SCARA3: variants seen among roughly 807,000 people sequenced by gnomAD.
SCARA3 encodes cellular stress response gene protein.
Under a neutral mutation model 47.0 loss-of-function variants are expected in SCARA3, and 39 were observed. The ratio of observed to expected loss-of-function variants is 0.83; its 90% confidence interval spans 0.64 to 1.08. SCARA3 has a LOEUF of 1.08. SCARA3 is among the 50% of genes least tolerant of loss of function. The probability of loss-of-function intolerance (pLI) is 0.00; values close to 1 mark genes in which losing one functional copy is unlikely to be tolerated. For synonymous variants in SCARA3, 356 were observed against 334.1 expected, an observed-to-expected ratio of 1.07 and a Z score of -0.71; for missense variants, 724 against 792.3, an observed-to-expected ratio of 0.91 and a Z score of 1.04.
intron 1 of SCARA3, among the ~76,000 whole-genome samples, chr8:27,640,691 T>TTTTG (rs1389981979): frequency 6.6e-6 from 1 of 152,132 alleles, no homozygotes; most frequent in Admixed American, 6.6e-5. Context: ...TTGCTTTTGT[T>TTTTG]TTTGTTTGTT....
chr8:27,720,774 A>C, the SCARA3 span, among the ~76,000 whole-genome samples: 2 of 149,602 alleles, frequency 1.3e-5, no homozygotes, highest in Admixed American at 6.7e-5. Flanking sequence ...TTATCCACCC[A>C]CCCCTCTATT....
intron 5 of SCARA3, among the ~76,000 whole-genome samples, chr8:27,660,618 T>TA (rs1554539818): frequency 7.6e-6 from 1 of 130,882 alleles, no homozygotes; most frequent in African/African-American, 2.8e-5. Flanking sequence ...TAGAGATAGA[T>TA]GATAGATAGA....
intron 5 of SCARA3, among the ~76,000 whole-genome samples, chr8:27,667,176 A>G (rs1317569204): frequency 6.6e-6 from 1 of 152,086 alleles, no homozygotes; most frequent in East Asian, 1.9e-4. Context: ...CTTTGTCCAC[A>G]TTCCTTGCCC....
At chr8:27,673,054 G>T, downstream of SCARA3, 1 of 950,306 alleles carries the variant, frequency 1.1e-6, no homozygotes. Context: ...CCTGACTTGG[G>T]GGCATGATGC....
chr8:27,636,201 C>T (rs1353640526), intron 1 of SCARA3, among the ~76,000 whole-genome samples: 2 of 152,168 alleles, frequency 1.3e-5, no homozygotes, highest in African/African-American at 2.4e-5. Flanking sequence ...CCACATCTTA[C>T]ACGGGGCCAC....
At chr8:27,704,889 C>A in the SCARA3 span, among the ~76,000 whole-genome samples, 1 of 152,146 alleles carries the variant, frequency 6.6e-6, no homozygotes, top group Non-Finnish European at 1.5e-5. Flanking sequence ...GGAGTCTTTG[C>A]TGCCAGCGCC....
the SCARA3 span, among the ~76,000 whole-genome samples, chr8:27,732,445 T>C: frequency 2.5e-4 from 38 of 152,130 alleles, no homozygotes; most frequent in South Asian, 4.1e-4. Context: ...GGTAGAAAGC[T>C]CACAGCCCCT....
intron 5 of SCARA3, among the ~76,000 whole-genome samples, chr8:27,667,254 G>A (rs982498508): frequency 6.6e-6 from 1 of 152,230 alleles, no homozygotes; most frequent in Non-Finnish European, 1.5e-5. Flanking sequence ...CCTGCTGTCA[G>A]TCCTCTGCCC....
intron 3 of SCARA3, among the ~76,000 whole-genome samples, chr8:27,656,431 G>A (rs1318460069): frequency 6.6e-6 from 1 of 152,190 alleles, no homozygotes; most frequent in African/African-American, 2.4e-5. Flanking sequence ...GGTTATCAAT[G>A]TAGACAAGAC....
chr8:27,669,918 A>C (rs1366457522), intron 5 of SCARA3, among the ~76,000 whole-genome samples: 4 of 152,166 alleles, frequency 2.6e-5, no homozygotes, highest in Non-Finnish European at 1.5e-5. Flanking sequence ...AGCTCCCAGC[A>C]TGCAGAATCC....
chr8:27,686,246 G>T, the SCARA3 span, among the ~76,000 whole-genome samples: 2 of 151,986 alleles, frequency 1.3e-5, no homozygotes, highest in East Asian at 1.9e-4. Context: ...TTAGAGACTA[G>T]CCAGGGCAAC....
the SCARA3 span, among the ~76,000 whole-genome samples, chr8:27,715,853 GA>G: frequency 7.0e-6 from 1 of 142,006 alleles, no homozygotes; most frequent in African/African-American, 2.7e-5. This position sits in a 1 kb window ranked among gnomAD's most constrained non-coding sequence, Gnocchi z 4.2. Flanking sequence ...TAGATAGATA[GA>G]TAGATAGATA....
At position 27,651,568 on chromosome 8, in the gene SCARA3, G is replaced by A. The variant is rs185461278; in HGVS notation, c.167G>A (p.Arg56Gln). 57 of 1,614,094 alleles carry A rather than the reference G, an allele frequency of 3.5e-5. No homozygotes were observed. In the African/African-American group the frequency reaches 4.5e-4, roughly 13 times the overall value. Residue 56 changes from arginine to glutamine, a missense_variant, in exon 3 of 6, where the codon CGG (arginine) becomes CAG (glutamine). Physicochemically the swap from Arg to Gln is conservative, Grantham distance 43 (BLOSUM62 1). Transcript: ENST00000301904. ...QKNLSLHTSV[R>Q]ILYLFLALLL... The stretch of plus-strand genomic sequence containing the variant: ...AACCTATCTTTGCACACATCGGTGC[G>A]GATTCTTTACCTCTTCCTGGCCCTG...
chr8:27,696,070 C>A, the SCARA3 span, among the ~76,000 whole-genome samples: 1 of 151,844 alleles, frequency 6.6e-6, no homozygotes, highest in East Asian at 1.9e-4. Context: ...AGTGTAGTGG[C>A]ATGATCATAG....
the SCARA3 span, among the ~76,000 whole-genome samples, chr8:27,730,836 G>A: frequency 6.6e-6 from 1 of 151,896 alleles, no homozygotes; most frequent in Non-Finnish European, 1.5e-5. Context: ...CCAAGCAGGG[G>A]AACTGGAAAC....
the SCARA3 span, among the ~76,000 whole-genome samples, chr8:27,706,019 G>C: frequency 6.6e-6 from 1 of 152,214 alleles, no homozygotes. Flanking sequence ...GCATCATGGA[G>C]GAACAGAAAT....
At chr8:27,710,684 A>T in the SCARA3 span, among the ~76,000 whole-genome samples, 1 of 152,122 alleles carries the variant, frequency 6.6e-6, no homozygotes. Context: ...CCTTTACTTG[A>T]TGTCTCTCAA....
chr8:27,698,403 G>A, the SCARA3 span, among the ~76,000 whole-genome samples: 23 of 152,166 alleles, frequency 1.5e-4, no homozygotes, highest in African/African-American at 5.3e-4. Context: ...AAGAGCACCA[G>A]GGATAGCTAA....
At chr8:27,667,086 C>G (rs1802032428) in intron 5 of SCARA3, among the ~76,000 whole-genome samples, 1 of 152,194 alleles carries the variant, frequency 6.6e-6, no homozygotes, top group Non-Finnish European at 1.5e-5. Flanking sequence ...CTTCTCTAGC[C>G]CTTCTCTCCT....
Sources: allele counts gnomAD v4.1 joint callset (sites outside exome capture counted in the v4.1 genomes callset), GRCh38; gene constraint gnomAD v4.1.1; non-coding constraint Gnocchi (gnomAD v3.1); transcripts MANE v1.5; gene names NCBI Gene and HGNC (gene_info 2026-07-23, HGNC 2026-07-21).